TEK: variants seen among roughly 807,000 people sequenced by gnomAD.
TEK encodes TEK receptor tyrosine kinase, also known as angiopoietin-1 receptor.
Under a neutral mutation model 131.8 loss-of-function variants are expected in TEK, and 43 were observed. That is an observed-to-expected ratio of 0.33 (90% confidence interval 0.26 to 0.42). The LOEUF (loss-of-function observed/expected upper bound fraction) is 0.42, where lower values mean the gene tolerates loss of function less well. Among genes scored for constraint, TEK ranks in the 10% least tolerant of loss-of-function variants. TEK has a pLI of 1.00. For missense variants in TEK, 1,162 were observed against 1,384.4 expected (o/e 0.84, Z 2.55); for synonymous variants, 580 against 491.6 (o/e 1.18, Z -2.38).
Position 27,158,091 on chromosome 9 carries a change from C to T in TEK, c.313C>T (p.Arg105Ter). 1 of 1,614,030 alleles carries T rather than the reference C, an allele frequency of 6.2e-7. No individual in the cohort carries two copies. Among genetic ancestry groups the T allele is most frequent in the Non-Finnish European group, 8.5e-7 (1 of 1,180,000 alleles). The change falls in exon 2 of 23, where the codon CGA becomes TGA. Residue 105 changes from arginine (R) to a stop codon, truncating the protein, a stop_gained. Coordinates refer to ENST00000380036, the MANE Select transcript of TEK (RefSeq NM_000459.5). LOFTEE classifies it high-confidence loss of function. ...KINGAYFCEGRVRGEAIRIRT... is the reference protein window; with the variant it reads ...KINGAYFCEG ...CAATGGTGCTTATTTCTGTGAAGGG[C>T]GAGTTCGAGGAGAGGCAATCAGGAT...
Position 27,210,279 on chromosome 9 carries a change from C to G in TEK, c.2686+1048C>G, listed in dbSNP as rs1380404760. 3 of 9,172 alleles carry G rather than the reference C, an allele frequency of 3.3e-4. No individual in the cohort carries two copies. The Admixed American group carries it at 6.0e-3, about 18-fold the overall frequency. The allele number at this position is 9,172 out of a possible 1,614,324, so 0.6% of individuals were successfully genotyped here. ...AAGTTACACACACACACACATACCA[C>G]ACACACACACACACCCTGCTGTCCT... On this transcript the variant is annotated intron_variant, in intron 16 of 22. Transcript: ENST00000380036.
intron 1 of TEK, among the ~76,000 whole-genome samples, chr9:27,140,771 A>C (rs776525420): frequency 1.1e-3 from 173 of 152,190 alleles, no homozygotes; most frequent in Middle Eastern, 3.4e-3. Flanking sequence ...TTTGCTTTTA[A>C]CAGTTTATCC....
Position 27,146,890 on chromosome 9 carries a change from C to T in TEK, c.53-10941C>T, listed in dbSNP as rs142088372. ...GACTACAGGTGCCCACCACCACGCC[C>T]GGCTAATTTTTTGTATTTTTAGTAG... is the stretch of plus-strand genomic sequence containing the variant. On this transcript the variant is annotated intron_variant, in intron 1 of 22. Transcript: ENST00000380036. Among the ~76,000 whole-genome samples, 525 of 151,884 alleles carry T rather than the reference C, an allele frequency of 3.5e-3. 25 individuals are homozygous for T. In the East Asian group the frequency reaches 0.094, roughly 27 times the overall value.
chr9:27,125,114 C>T (rs1277429143), intron 1 of TEK, among the ~76,000 whole-genome samples: 6 of 152,232 alleles, frequency 3.9e-5, no homozygotes, highest in Admixed American at 3.3e-4. Flanking sequence ...GTGTATCTCA[C>T]ACCCAGAGTC....
intron 2 of TEK, among the ~76,000 whole-genome samples, chr9:27,163,102 TACTA>T (rs1485324902): frequency 6.6e-6 from 1 of 152,208 alleles, no homozygotes; most frequent in Non-Finnish European, 1.5e-5. Context: ...TCATATGTAT[TACTA>T]ACTTAGTCTT....
chr9:27,214,284 C>T (rs991233953), intron 18 of TEK, among the ~76,000 whole-genome samples: 1 of 152,176 alleles, frequency 6.6e-6, no homozygotes, highest in Non-Finnish European at 1.5e-5. Context: ...GAAATGTCAC[C>T]ATCCTCTCTT....
At chr9:27,142,986 T>A (rs537625865) in intron 1 of TEK, among the ~76,000 whole-genome samples, 1 of 152,344 alleles carries the variant, frequency 6.6e-6, no homozygotes, top group Non-Finnish European at 1.5e-5. Context: ...ACTGCTATTG[T>A]GAAACACAAC....
intron 19 of TEK, 116 bp downstream of exon 19, chr9:27,217,874 T>A: frequency 1.1e-6 from 1 of 902,788 alleles, no homozygotes; most frequent in Non-Finnish European, 1.8e-6. Context: ...CAAAGGTAAC[T>A]AAAAAGCTCA....
chr9:27,193,913 C>G (rs548645532), intron 11 of TEK, among the ~76,000 whole-genome samples: 277 of 152,226 alleles, frequency 1.8e-3, no homozygotes, highest in African/African-American at 6.5e-3. Flanking sequence ...CTCAAGTCAT[C>G]CTCCCACCTC....
At chr9:27,183,638 T>C in intron 8 of TEK, 28 bp downstream of exon 8, 1 of 1,613,458 alleles carries the variant, frequency 6.2e-7, no homozygotes, top group Non-Finnish European at 8.5e-7. Context: ...TTTGCCCTTC[T>C]TAAAGCATGA....
rs540594472 is a variant in TEK, at chr9:27,174,721, C to T, written c.901+1359C>T. The stretch of plus-strand genomic sequence containing the variant: ...CAGTTCCCTCTAAATGCTATGTCTG[C>T]CCCCCGGAACATGCAGTGAGCCACA... On this transcript the variant is annotated intron_variant, in intron 6 of 22. Transcript: ENST00000380036. Among the ~76,000 whole-genome samples the T allele has an allele frequency of 2.3e-4, 35 of 152,156 alleles. No individual in the cohort carries two copies. In the South Asian group the frequency reaches 7.1e-3, roughly 31 times the overall value.
intron 3 of TEK, among the ~76,000 whole-genome samples, chr9:27,169,258 T>TA (rs1823858641): frequency 6.6e-6 from 1 of 152,212 alleles, no homozygotes; most frequent in African/African-American, 2.4e-5. Flanking sequence ...TGTTTGGTGG[T>TA]AGATCCCACA....
intron 1 of TEK, among the ~76,000 whole-genome samples, chr9:27,151,343 T>A (rs1823120261): frequency 6.6e-6 from 1 of 152,158 alleles, no homozygotes; most frequent in Non-Finnish European, 1.5e-5. Flanking sequence ...AGAGGAATAG[T>A]GCTGGTAGTT....
chr9:27,219,086 C>A (rs1395215523), intron 20 of TEK, among the ~76,000 whole-genome samples: 1 of 152,170 alleles, frequency 6.6e-6, no homozygotes, highest in Non-Finnish European at 1.5e-5. Context: ...AGGTTAACTT[C>A]TAAAACTCTT....
chr9:27,125,459 C>T (rs375674657), intron 1 of TEK, among the ~76,000 whole-genome samples: 16 of 152,282 alleles, frequency 1.1e-4, no homozygotes, highest in Middle Eastern at 6.8e-3. Flanking sequence ...ATTAGAGGCC[C>T]CCTTTTTCTC....
intron 1 of TEK, among the ~76,000 whole-genome samples, chr9:27,112,546 C>T (rs73643143): frequency 0.012 from 1,812 of 152,240 alleles, 36 homozygotes; most frequent in African/African-American, 0.041. Context: ...GGCGTCTCTC[C>T]AGGAGGGAAG....
intron 1 of TEK, among the ~76,000 whole-genome samples, chr9:27,114,549 T>G (rs572959180): frequency 6.6e-6 from 1 of 151,748 alleles, no homozygotes; most frequent in East Asian, 1.9e-4. Context: ...CGAGCCTGCA[T>G]GACAGAGTGA....
chr9:27,211,764 T>C (rs1377072873), intron 16 of TEK, among the ~76,000 whole-genome samples: 2 of 152,096 alleles, frequency 1.3e-5, no homozygotes, highest in Non-Finnish European at 2.9e-5. Context: ...GCCACTGCAC[T>C]GGGCTTCAAG....
chr9:27,184,060 C>T (rs1161989059), intron 8 of TEK, among the ~76,000 whole-genome samples: 1 of 152,124 alleles, frequency 6.6e-6, no homozygotes, highest in African/African-American at 2.4e-5. Flanking sequence ...ATGACCGGTC[C>T]ACTCCTATTA....
Sources: gnomAD v4.1 joint callset for allele counts (sites outside exome capture counted in the v4.1 genomes callset) on GRCh38, gnomAD v4.1.1 for gene constraint, MANE v1.5 for transcripts, NCBI Gene and HGNC (gene_info 2026-07-23, HGNC 2026-07-21) for gene names.